The following ABAT variants were observed in gnomAD, a reference collection of about 807,000 sequenced individuals.
ABAT encodes the protein 4-aminobutyrate aminotransferase.
ABAT carries 45 observed loss-of-function variants against 64.6 expected under a neutral mutation model. The observed-to-expected ratio is 0.70, with a 90% confidence interval of 0.55 to 0.89. ABAT has a LOEUF of 0.89. Among genes scored for constraint, ABAT ranks in the 40% least tolerant of loss-of-function variants. The pLI is 0.00. For missense variants in ABAT, 633 were observed against 658.4 expected (o/e 0.96, Z 0.42); for synonymous variants, 297 against 250.5 (o/e 1.19, Z -1.75).
intron 14 of ABAT, among the ~76,000 whole-genome samples, chr16:8,777,904 A>G (rs1197193784): frequency 6.6e-6 from 1 of 152,202 alleles, no homozygotes; most frequent in African/African-American, 2.4e-5. Flanking sequence ...CCTTCAGCTC[A>G]ACTGAGTTTG....
chr16:8,679,836 AAC>A (rs2057291385), intron 1 of ABAT, among the ~76,000 whole-genome samples: 1 of 152,074 alleles, frequency 6.6e-6, no homozygotes, highest in Admixed American at 6.5e-5. Flanking sequence ...AGGAGCTTTT[AAC>A]AGAAAGCCTG....
rs1228414708 is a variant in ABAT, at chr16:8,783,151, C to G, written c.*1721C>G. 6.6e-6 allele frequency: 1 copy of G among 152,192 alleles called. No homozygotes were observed. The highest frequency in any genetic ancestry group is 1.5e-5 in the Non-Finnish European group (1 of 68,050). The allele number at this position is 152,192 out of a possible 1,614,324, so 9.4% of individuals were successfully genotyped here. The stretch of plus-strand genomic sequence containing the variant: ...GCCAAGTGGTGATGTATGCCTCCCA[C>G]TCTCTGCAAGGTTTTCCTCATTTTT... On this transcript the variant is annotated 3_prime_UTR_variant, in exon 16 of 16. Transcript: ENST00000268251.
chr16:8,761,102 CAT>C (rs2059783222), intron 6 of ABAT, among the ~76,000 whole-genome samples: 2 of 90,762 alleles, frequency 2.2e-5, no homozygotes, highest in South Asian at 3.8e-4. Context: ...AAAACAAAAA[CAT>C]ATCCCAGAAA....
chr16:8,758,734 C>T (rs1238248330), intron 6 of ABAT, among the ~76,000 whole-genome samples: 4 of 152,110 alleles, frequency 2.6e-5, no homozygotes, highest in African/African-American at 4.8e-5. Context: ...GGTAACCCCA[C>T]GTGAGAACCC....
At chr16:8,738,505 G>T in intron 2 of ABAT, 1 of 453,930 alleles carries the variant, frequency 2.2e-6, no homozygotes, top group South Asian at 1.6e-5. Context: ...CCTCTGGTCT[G>T]TGACAGTTTC....
At chr16:8,779,332 C>G (rs1197311860) in intron 14 of ABAT, 147 bp from the exon 15 acceptor site, 1 of 698,794 alleles carries the variant, frequency 1.4e-6, no homozygotes, top group Non-Finnish European at 2.6e-6. Context: ...TGAATGTCCC[C>G]AGAGCTCTTA....
intron 14 of ABAT, 38 bp from the exon 15 acceptor site, chr16:8,779,438 GTGA>G: frequency 6.5e-7 from 1 of 1,544,686 alleles, no homozygotes; most frequent in Non-Finnish European, 8.9e-7. Context: ...TGGTACACAG[GTGA>G]TGGGCTTTGA....
intron 1 of ABAT, among the ~76,000 whole-genome samples, chr16:8,677,999 G>A (rs1488144509): frequency 6.6e-6 from 1 of 152,008 alleles, no homozygotes; most frequent in East Asian, 1.9e-4. Flanking sequence ...GGTCGAAGCT[G>A]CAGTGAGCCA....
chr16:8,759,178 C>G (rs1409522409), intron 6 of ABAT, among the ~76,000 whole-genome samples: 1 of 152,094 alleles, frequency 6.6e-6, no homozygotes, highest in Non-Finnish European at 1.5e-5. Flanking sequence ...AAATGCACCA[C>G]TCAATGAATT....
intron 1 of ABAT, among the ~76,000 whole-genome samples, chr16:8,709,412 C>T (rs969592842): frequency 2.6e-5 from 4 of 151,862 alleles, no homozygotes; most frequent in African/African-American, 7.3e-5. Flanking sequence ...CTCACTCTGT[C>T]GCCCAGGCTG....
At chr16:8,769,385 G>T (rs1472012511) in intron 11 of ABAT, among the ~76,000 whole-genome samples, 1 of 151,896 alleles carries the variant, frequency 6.6e-6, no homozygotes, top group East Asian at 1.9e-4. Flanking sequence ...TGGCCAACAT[G>T]GTGAAACCCC....
At chr16:8,676,140 C>T (rs991596274) in intron 1 of ABAT, among the ~76,000 whole-genome samples, 4 of 151,982 alleles carry the variant, frequency 2.6e-5, no homozygotes, top group African/African-American at 4.8e-5. Context: ...GCCTGTGTTG[C>T]GGCGTGGAGT....
At chr16:8,763,044 G>A (rs2059841320) in intron 6 of ABAT, among the ~76,000 whole-genome samples, 1 of 149,812 alleles carries the variant, frequency 6.7e-6, no homozygotes. Flanking sequence ...CGGAGGTTGA[G>A]GCTGCAGTAA....
Position 8,750,423 on chromosome 16 carries a change from A to G in ABAT, c.200A>G (p.Asn67Ser). Residue 67 changes from asparagine to serine, a missense_variant and splice_region_variant, in exon 5 of 16, where the codon AAT (asparagine) becomes AGT (serine). By Grantham distance (46) the Asn-to-Ser change is conservative. Coordinates refer to ENST00000268251, the MANE Select transcript of ABAT (RefSeq NM_020686.6). ...GAGTTGGTCTTTTCTTTCTCCAAGA[A>G]TGCAGAGGCTGTGCATTTTTTCTGC... ...ELMKQLNIIQNAEAVHFFCNY... is the reference protein window; with the variant it reads ...ELMKQLNIIQSAEAVHFFCNY... 1 of 1,613,930 alleles carries G rather than the reference A, an allele frequency of 6.2e-7. No homozygotes were observed. Among genetic ancestry groups the G allele is most frequent in the Non-Finnish European group, 8.5e-7 (1 of 1,179,790 alleles).
chr16:8,731,252 C>T (rs1020745319), intron 1 of ABAT, among the ~76,000 whole-genome samples: 3 of 152,148 alleles, frequency 2.0e-5, no homozygotes, highest in Admixed American at 1.3e-4. Context: ...AGTGAGCCAC[C>T]CTGCCAGCCC....
At chr16:8,700,911 CTTTT>C (rs1174749864) in intron 1 of ABAT, among the ~76,000 whole-genome samples, 1 of 131,548 alleles carries the variant, frequency 7.6e-6, no homozygotes, top group Non-Finnish European at 1.6e-5. Context: ...GGCCTTAATT[CTTTT>C]TTTTTTTTTT....
At chr16:8,730,261 G>A (rs1453151274) in intron 1 of ABAT, among the ~76,000 whole-genome samples, 1 of 152,148 alleles carries the variant, frequency 6.6e-6, no homozygotes, top group Admixed American at 6.5e-5. Context: ...TCTGGCACAC[G>A]GTAGGTGTAC....
At chr16:8,676,149 G>A (rs1310848758) in intron 1 of ABAT, among the ~76,000 whole-genome samples, 1 of 152,174 alleles carries the variant, frequency 6.6e-6, no homozygotes, top group Non-Finnish European at 1.5e-5. Context: ...GCGGCGTGGA[G>A]TCATAGAGAA....
chr16:8,716,080 C>T (rs565191467), intron 1 of ABAT, among the ~76,000 whole-genome samples: 6 of 152,282 alleles, frequency 3.9e-5, no homozygotes, highest in South Asian at 2.1e-4. Flanking sequence ...TAGCTTTGCG[C>T]GTGGATTATC....
Sources: gnomAD v4.1 joint callset for allele counts (sites outside exome capture counted in the v4.1 genomes callset) on GRCh38, gnomAD v4.1.1 for gene constraint, MANE v1.5 for transcripts, NCBI Gene and HGNC (gene_info 2026-07-23, HGNC 2026-07-21) for gene names.